Variants in NXPE2 observed in about 807,000 individuals in gnomAD.
NXPE2 encodes the protein NXPE family member 2.
Under a neutral mutation model 34.4 loss-of-function variants are expected in NXPE2, and 34 were observed. The observed-to-expected ratio is 0.99, with a 90% CI of 0.75 to 1.31. The LOEUF is 1.31. Among genes scored for constraint, NXPE2 ranks in the 40% most tolerant of loss-of-function variants. The pLI is 0.00. For missense variants in NXPE2, 649 were observed against 672.5 expected (o/e 0.97, Z 0.39); for synonymous variants, 235 against 231.3 (o/e 1.02, Z -0.15).
chr11:114,569,601 C>A, the NXPE2 span, among the ~76,000 whole-genome samples: 1 of 152,092 alleles, frequency 6.6e-6, no homozygotes, highest in African/African-American at 2.4e-5. Context: ...CACATGAGAC[C>A]CAGAGAGCTG....
the NXPE2 span, among the ~76,000 whole-genome samples, chr11:114,625,815 A>C: frequency 2.6e-5 from 4 of 152,226 alleles, no homozygotes; most frequent in African/African-American, 9.6e-5. Context: ...TCAGTGGGTG[A>C]GCACACCACG....
At chr11:114,611,876 A>C in the NXPE2 span, among the ~76,000 whole-genome samples, 4 of 151,960 alleles carry the variant, frequency 2.6e-5, no homozygotes, top group African/African-American at 9.6e-5. Context: ...GTGTATGAGA[A>C]ATATTGCCTC....
chr11:114,538,920 CA>C, the NXPE2 span, among the ~76,000 whole-genome samples: 3 of 152,042 alleles, frequency 2.0e-5, no homozygotes, highest in Non-Finnish European at 4.4e-5. Flanking sequence ...TTGACCCAGC[CA>C]TCCCATTACT....
At chr11:114,804,199 AG>A in the NXPE2 span, among the ~76,000 whole-genome samples, 10,859 of 152,274 alleles carry the variant, frequency 0.071, 426 homozygotes, top group South Asian at 0.097. Context: ...ATCAAGTATC[AG>A]GGAAGATTTC....
At chr11:114,602,680 G>T in the NXPE2 span, among the ~76,000 whole-genome samples, 1 of 140,554 alleles carries the variant, frequency 7.1e-6, no homozygotes, top group Non-Finnish European at 1.5e-5. Context: ...AGAATCATAT[G>T]TAATAATTAT....
chr11:114,600,397 C>G, the NXPE2 span, among the ~76,000 whole-genome samples: 1 of 152,122 alleles, frequency 6.6e-6, no homozygotes, highest in East Asian at 1.9e-4. Flanking sequence ...CTCATTCCTT[C>G]ATTTACCAAA....
chr11:114,702,662 G>A (rs1433902171), intron 3 of NXPE2, among the ~76,000 whole-genome samples: 1 of 152,058 alleles, frequency 6.6e-6, no homozygotes, highest in Non-Finnish European at 1.5e-5. Context: ...TATTAAATAG[G>A]TTGGCCAAAG....
intron 2 of NXPE2, among the ~76,000 whole-genome samples, chr11:114,682,283 G>T (rs1003724906): frequency 6.6e-6 from 1 of 152,088 alleles, no homozygotes; most frequent in Non-Finnish European, 1.5e-5. Flanking sequence ...TGCTGGTCTC[G>T]CATCAGTGTG....
chr11:114,655,931 A>C, the NXPE2 span, among the ~76,000 whole-genome samples: 13 of 152,306 alleles, frequency 8.5e-5, no homozygotes, highest in Admixed American at 7.2e-4. Context: ...TGGCTAGGGC[A>C]ATCAGGCAAG....
the NXPE2 span, among the ~76,000 whole-genome samples, chr11:114,789,978 C>G: frequency 2.0e-5 from 3 of 152,196 alleles, no homozygotes; most frequent in African/African-American, 7.2e-5. Context: ...GAAGGCCATG[C>G]AGGGAATTCC....
chr11:114,475,063 A>G, the NXPE2 span, among the ~76,000 whole-genome samples: 1 of 152,100 alleles, frequency 6.6e-6, no homozygotes, highest in Non-Finnish European at 1.5e-5. Context: ...ATTGCATTTT[A>G]TTCTAAAAAA....
At chr11:114,705,473 C>G (rs1374940641) in intron 4 of NXPE2, among the ~76,000 whole-genome samples, 1 of 152,220 alleles carries the variant, frequency 6.6e-6, no homozygotes, top group Non-Finnish European at 1.5e-5. Flanking sequence ...CCACACATTT[C>G]CTCCTGACTC....
the NXPE2 span, among the ~76,000 whole-genome samples, chr11:114,724,715 G>A: frequency 3.9e-5 from 6 of 152,004 alleles, no homozygotes; most frequent in Admixed American, 2.6e-4. Context: ...TCACCAAATG[G>A]ATGCCTCAAT....
At chr11:114,601,938 T>A in the NXPE2 span, among the ~76,000 whole-genome samples, 17 of 82,464 alleles carry the variant, frequency 2.1e-4, no homozygotes, top group African/African-American at 4.0e-4. Flanking sequence ...TTTATATATA[T>A]TATATAATTA....
chr11:114,683,019 C>T (rs967849597), intron 2 of NXPE2, among the ~76,000 whole-genome samples: 1 of 151,892 alleles, frequency 6.6e-6, no homozygotes, highest in Non-Finnish European at 1.5e-5. Context: ...AAATAAACCC[C>T]TTAAGAAAAT....
chr11:114,797,396 C>T, the NXPE2 span, among the ~76,000 whole-genome samples: 1 of 152,308 alleles, frequency 6.6e-6, no homozygotes, highest in African/African-American at 2.4e-5. Context: ...TATTTTCTCT[C>T]CTTCTGGGCC....
the NXPE2 span, among the ~76,000 whole-genome samples, chr11:114,740,048 GT>G: frequency 2.0e-5 from 3 of 151,732 alleles, no homozygotes; most frequent in South Asian, 2.1e-4. Context: ...TATATACTAT[GT>G]TTTTTTCCTG....
At chr11:114,607,534 C>T in the NXPE2 span, among the ~76,000 whole-genome samples, 1 of 151,738 alleles carries the variant, frequency 6.6e-6, no homozygotes, top group Non-Finnish European at 1.5e-5. Context: ...ACCACTGTTA[C>T]CCGGTAGATA....
At chr11:114,536,441 A>C in the NXPE2 span, among the ~76,000 whole-genome samples, 1 of 152,232 alleles carries the variant, frequency 6.6e-6, no homozygotes, top group African/African-American at 2.4e-5. Flanking sequence ...TCAGAGCAGG[A>C]CTGAAGGAAA....
Sources: allele counts gnomAD v4.1 joint callset (sites outside exome capture counted in the v4.1 genomes callset), GRCh38; gene constraint gnomAD v4.1.1; transcripts MANE v1.5; gene names NCBI Gene and HGNC (gene_info 2026-07-23, HGNC 2026-07-21).